PIK3R4: variants seen among roughly 807,000 people sequenced by gnomAD.
The protein encoded by PIK3R4 is phosphoinositide-3-kinase regulatory subunit 4.
PIK3R4 carries 46 observed loss-of-function variants against 136.5 expected under a neutral mutation model. The ratio of observed to expected loss-of-function variants is 0.34; its 90% confidence interval spans 0.27 to 0.43. The LOEUF (loss-of-function observed/expected upper bound fraction) is 0.43. Among genes scored for constraint, PIK3R4 ranks in the 20% least tolerant of loss-of-function variants. The probability of loss-of-function intolerance (pLI) is 1.00; values close to 1 mark genes in which losing one functional copy is unlikely to be tolerated. For synonymous variants in PIK3R4, 557 were observed against 566.7 expected (o/e 0.98, Z 0.24); for missense variants, 1,331 against 1,649.5 (o/e 0.81, Z 3.35).
At position 130,718,513 on chromosome 3, in the gene PIK3R4, T is replaced by C. The variant is rs1306023370; in HGVS notation, c.2003A>G (p.Asn668Ser). 1 of 1,613,716 alleles carries C rather than the reference T, an allele frequency of 6.2e-7. No individual in the cohort carries two copies. Among genetic ancestry groups the C allele is most frequent in the Non-Finnish European group, 8.5e-7 (1 of 1,179,836 alleles). The part of the protein sequence containing the change: ...SDIAPFLCHP[N>S]LWIRYGAVGF... Reference sequence around the variant, plus strand: ...CACGGCACCATAACGTATCCATAAATTGGGATGACACAGGAAGGGGGCTAA... The same window carrying C: ...CACGGCACCATAACGTATCCATAAACTGGGATGACACAGGAAGGGGGCTAA... The change falls in exon 8 of 20, where the codon AAT becomes AGT. Residue 668 changes from asparagine to serine, a missense_variant. This residue lies in a region of PIK3R4 where 1,180 missense variants were observed against 1,407.0 expected (regional missense o/e 0.84). Coordinates refer to ENST00000356763, the MANE Select transcript of PIK3R4 (RefSeq NM_014602.3).
At chr3:130,708,684 A>G (rs1248596541) in intron 9 of PIK3R4, among the ~76,000 whole-genome samples, 192 bp from the exon 10 acceptor site, 2 of 152,186 alleles carry the variant, frequency 1.3e-5, no homozygotes, top group South Asian at 2.1e-4. Flanking sequence ...AAGATCTCCC[A>G]GAACACTCTA....
chr3:130,680,418 T>G (rs1019482419), intron 19 of PIK3R4, 195 bp downstream of exon 19: 1 of 400,722 alleles, frequency 2.5e-6, no homozygotes, highest in Non-Finnish European at 4.5e-6. Context: ...GAGCTATTAC[T>G]TATATGCACT....
chr3:130,714,952 G>T (rs2066654086), intron 9 of PIK3R4, among the ~76,000 whole-genome samples: 1 of 151,818 alleles, frequency 6.6e-6, no homozygotes, highest in African/African-American at 2.4e-5. Context: ...TATTCCTTTG[G>T]GTATATGTCC....
chr3:130,700,098 T>C (rs2066567288), intron 13 of PIK3R4, among the ~76,000 whole-genome samples: 1 of 152,214 alleles, frequency 6.6e-6, no homozygotes, highest in African/African-American at 2.4e-5. Flanking sequence ...TAATATTAAC[T>C]TAAATGGTTT....
chr3:130,694,092 C>G (rs1450388010), intron 13 of PIK3R4, among the ~76,000 whole-genome samples: 2 of 151,984 alleles, frequency 1.3e-5, no homozygotes, highest in South Asian at 4.1e-4. Context: ...CAGTTCTATA[C>G]CATGAATATA....
intron 13 of PIK3R4, among the ~76,000 whole-genome samples, chr3:130,693,505 G>C (rs1193458946): frequency 6.6e-6 from 1 of 152,068 alleles, no homozygotes; most frequent in East Asian, 1.9e-4. Flanking sequence ...GGGTGTGAAG[G>C]AGTATCTCAC....
chr3:130,685,564 AGAGGGATAC>A (rs2066485123), intron 15 of PIK3R4, among the ~76,000 whole-genome samples: 1 of 152,240 alleles, frequency 6.6e-6, no homozygotes, highest in Admixed American at 6.5e-5. Context: ...ACTGAGGGAT[AGAGGGATAC>A]ACAAATTGTT....
chr3:130,680,674 C>A lies in PIK3R4; in HGVS notation c.3845G>T (p.Ser1282Ile). 1 of 1,613,214 alleles carries A rather than the reference C, an allele frequency of 6.2e-7. No homozygotes were observed. ...YPERSYVVAG[S>I]TSSPSVSYYR... is the part of the protein sequence containing the mutation. ...GTAGGACACAGATGGGGAACTAGTACTTCCTGCAACAACATAGGACCTTTC... is the reference window on the plus strand; with the variant it reads ...GTAGGACACAGATGGGGAACTAGTAATTCCTGCAACAACATAGGACCTTTC... The change falls in exon 19 of 20, where the codon AGT becomes ATT. Residue 1282 changes from serine (S) to isoleucine (I), a missense_variant. By Grantham distance (142) the Ser-to-Ile change is moderately radical (BLOSUM62 -2). This residue lies in a region of PIK3R4 where 1,180 missense variants were observed against 1,407.0 expected (regional missense o/e 0.84). Transcript: ENST00000356763.
At chr3:130,682,305 G>A (rs2066464170) in intron 16 of PIK3R4, among the ~76,000 whole-genome samples, 1 of 152,142 alleles carries the variant, frequency 6.6e-6, no homozygotes, top group South Asian at 2.1e-4. Context: ...AAGATGCTAT[G>A]TTGCTGGCTC....
intron 9 of PIK3R4, among the ~76,000 whole-genome samples, chr3:130,709,659 T>C (rs1199729088): frequency 4.6e-5 from 7 of 152,150 alleles, no homozygotes; most frequent in Non-Finnish European, 7.4e-5. Flanking sequence ...GTCTATGTTT[T>C]AGTCCACAAA....
At chr3:130,723,061 GCAAAAA>G (rs2066710869) in intron 7 of PIK3R4, among the ~76,000 whole-genome samples, 1 of 10,092 alleles carries the variant, frequency 9.9e-5, no homozygotes, top group Non-Finnish European at 1.5e-4. Context: ...AGAGACTGTC[GCAAAAA>G]AAAAAAAAAA....
intron 2 of PIK3R4, among the ~76,000 whole-genome samples, chr3:130,736,385 A>G (rs2066785688): frequency 6.6e-6 from 1 of 152,204 alleles, no homozygotes; most frequent in Non-Finnish European, 1.5e-5. Flanking sequence ...CCTGGTCAAC[A>G]TGATGAAAGC....
Position 130,729,646 on chromosome 3 carries a change from C to T in PIK3R4, c.1585+662G>A, listed in dbSNP as rs12495817. Among the ~76,000 whole-genome samples, 1,406 of 152,278 alleles carry T rather than the reference C, an allele frequency of 9.2e-3. 20 individuals carry two copies. Among genetic ancestry groups the T allele is most frequent in the East Asian group, 0.053 (272 of 5,180 alleles). On this transcript the variant is annotated intron_variant, in intron 5 of 19. Coordinates refer to ENST00000356763, the MANE Select transcript of PIK3R4 (RefSeq NM_014602.3). ...CCACTGTATTCAACTCTAGATAATA[C>T]ATGTTGTCTAAAAATGGTGCCATTC...
At chr3:130,745,508 C>T (rs555164771) in intron 1 of PIK3R4, among the ~76,000 whole-genome samples, 2 of 152,156 alleles carry the variant, frequency 1.3e-5, no homozygotes, top group Non-Finnish European at 2.9e-5. Flanking sequence ...TATTGCGCAT[C>T]GCCATTTCCA....
At chr3:130,705,486 T>A in intron 12 of PIK3R4, 75 bp downstream of exon 12, 1 of 916,060 alleles carries the variant, frequency 1.1e-6, no homozygotes, top group Non-Finnish European at 1.7e-6. Flanking sequence ...GGTAGTTAAG[T>A]ATTCATTTCC....
chr3:130,711,210 A>AACAC (rs141661613), intron 9 of PIK3R4, among the ~76,000 whole-genome samples: 3 of 150,830 alleles, frequency 2.0e-5, no homozygotes, highest in Non-Finnish European at 4.4e-5. Flanking sequence ...AACTGTACAA[A>AACAC]ACACACACAC....
At position 130,708,459 on chromosome 3, in the gene PIK3R4, C is replaced by A. The variant is rs1359465095; in HGVS notation, c.2365G>T (p.Ala789Ser). 1 of 1,613,138 alleles carries A rather than the reference C, an allele frequency of 6.2e-7. No homozygotes were observed. Among genetic ancestry groups the A allele is most frequent in the Non-Finnish European group, 8.5e-7 (1 of 1,179,274 alleles). ...GATTTCATCATGAAGTCTTTCAGTGCCAGAAGTTTGTCTTCCTCTTCCTCT... is the reference window on the plus strand; with the variant it reads ...GATTTCATCATGAAGTCTTTCAGTGACAGAAGTTTGTCTTCCTCTTCCTCT... ...MTEEEEDKLL[A>S]LKDFMMKSNK... Residue 789 changes from alanine (A) to serine (S), a missense_variant, in exon 10 of 20, where the codon GCA becomes TCA. Physicochemically the swap from Ala to Ser is moderately conservative, Grantham distance 99 (BLOSUM62 1). Coordinates refer to ENST00000356763, the MANE Select transcript of PIK3R4 (RefSeq NM_014602.3).
rs760844491 is a variant in PIK3R4 at position 130,718,538 on chromosome 3, A to G, written c.1982-4T>C. The G allele has an allele frequency of 6.2e-7, 1 of 1,613,774 alleles. No homozygotes were observed. The highest frequency in any genetic ancestry group is 1.1e-5 in the South Asian group (1 of 91,052). On this transcript the variant is annotated splice_polypyrimidine_tract_variant and splice_region_variant and intron_variant, in intron 7 of 19. Coordinates refer to ENST00000356763, the MANE Select transcript of PIK3R4 (RefSeq NM_014602.3). Reference sequence around the variant, plus strand: ...TTGGGATGACACAGGAAGGGGGCTAAAGAGGAAAAGAAAAGGTAGGGATCA... The same window carrying G: ...TTGGGATGACACAGGAAGGGGGCTAGAGAGGAAAAGAAAAGGTAGGGATCA...
At chr3:130,734,582 C>T (rs549187942) in intron 3 of PIK3R4, among the ~76,000 whole-genome samples, 2 of 152,316 alleles carry the variant, frequency 1.3e-5, no homozygotes, top group South Asian at 2.1e-4. Context: ...TGGTTCAGAA[C>T]CTTATTGCCA....
Sources: gnomAD v4.1 joint callset for allele counts (sites outside exome capture counted in the v4.1 genomes callset) on GRCh38, gnomAD v4.1.1 for gene constraint, gnomAD v4.1.1 regional missense constraint, MANE v1.5 for transcripts, NCBI Gene and HGNC (gene_info 2026-07-23, HGNC 2026-07-21) for gene names.